Variants in RAB3B observed in about 807,000 individuals in gnomAD.
The protein encoded by RAB3B is RAB3B, member RAS oncogene family, also known as ras-related protein Rab-3B.
In RAB3B, 11 loss-of-function variants were observed where a neutral mutation model predicts 20.5. The ratio of observed to expected loss-of-function variants is 0.54; its 90% CI spans 0.34 to 0.89. RAB3B has a LOEUF of 0.89. RAB3B is among the 40% of genes least tolerant of loss of function. The pLI is 0.02. For synonymous variants in RAB3B, 99 were observed against 106.3 expected (o/e 0.93, Z 0.42); for missense variants, 225 against 280.9 (o/e 0.80, Z 1.42).
intron 2 of RAB3B, among the ~76,000 whole-genome samples, chr1:51,949,551 G>A (rs1365424721): frequency 6.6e-6 from 1 of 152,224 alleles, no homozygotes; most frequent in Non-Finnish European, 1.5e-5. Context: ...GCCATTCCGA[G>A]TGCTGACATG....
chr1:51,927,771 C>G (rs1168077293), intron 4 of RAB3B, among the ~76,000 whole-genome samples: 1 of 152,140 alleles, frequency 6.6e-6, no homozygotes, highest in African/African-American at 2.4e-5. Context: ...TCACTGCACT[C>G]CAGCCTGGAT....
chr1:51,909,751 T>C lies in RAB3B; in HGVS notation c.*10176A>G, dbSNP rs1175053452. ...CTTCTACCCTGATCCACTTAGTAAGTTCAAGCTCCATCTCCTACTTACACA... is the reference window on the plus strand; with the variant it reads ...CTTCTACCCTGATCCACTTAGTAAGCTCAAGCTCCATCTCCTACTTACACA... On this transcript the variant is annotated 3_prime_UTR_variant, in exon 5 of 5. Coordinates refer to ENST00000371655, the MANE Select transcript of RAB3B (RefSeq NM_002867.4). 6.6e-6 allele frequency: 1 copy of C among 152,338 alleles called. No homozygotes were observed. The highest frequency in any genetic ancestry group is 1.5e-5 in the Non-Finnish European group (1 of 68,156). 9.4% of individuals were successfully genotyped at this position (152,338 alleles called of 1,614,324 possible). A position where few individuals can be genotyped will look rare whatever the true frequency, so the allele number is the denominator to read the frequency against.
intron 2 of RAB3B, among the ~76,000 whole-genome samples, chr1:51,969,819 G>C (rs1429455190): frequency 6.6e-6 from 1 of 152,160 alleles, no homozygotes; most frequent in Non-Finnish European, 1.5e-5. Context: ...GTTACACTAA[G>C]AGCTTTTAAA....
intron 2 of RAB3B, among the ~76,000 whole-genome samples, chr1:51,964,264 A>AC: frequency 6.6e-6 from 1 of 152,298 alleles, no homozygotes; most frequent in East Asian, 1.9e-4. Context: ...CATATTTGAC[A>AC]CAGTTGATCT....
chr1:51,920,137 T>C, intron 4 of RAB3B, 23 bp from the exon 5 acceptor site: 1 of 1,585,832 alleles, frequency 6.3e-7, no homozygotes, highest in Non-Finnish European at 8.6e-7. Context: ...GAGATACAGA[T>C]AAGGACTTTT....
Position 51,909,438 on chromosome 1 carries a change from A to G in RAB3B, c.*10489T>C, listed in dbSNP as rs1285116229. ...TGAAAATATGTTGGTTCAAGATCAC[A>G]CAGTTAGTATGCTGCAAAGTCAGGA... On this transcript the variant is annotated 3_prime_UTR_variant, in exon 5 of 5. Transcript: ENST00000371655. 2 of 152,192 alleles carry G rather than the reference A, an allele frequency of 1.3e-5. No individual in the cohort carries two copies. Among genetic ancestry groups the G allele is most frequent in the Non-Finnish European group, 2.9e-5 (2 of 68,030 alleles). 9.4% of individuals were successfully genotyped at this position (152,192 alleles called of 1,614,324 possible).
intron 2 of RAB3B, among the ~76,000 whole-genome samples, chr1:51,972,204 A>T (rs978493377): frequency 6.6e-6 from 1 of 152,220 alleles, no homozygotes; most frequent in Non-Finnish European, 1.5e-5. Flanking sequence ...GCAATTTAAA[A>T]TTTATTAGCT....
chr1:51,967,113 A>G (rs941871999), intron 2 of RAB3B, among the ~76,000 whole-genome samples: 18 of 152,178 alleles, frequency 1.2e-4, no homozygotes, highest in African/African-American at 4.3e-4. Context: ...AGGAGTTTGA[A>G]ACCAGCCTGG....
intron 3 of RAB3B, among the ~76,000 whole-genome samples, chr1:51,934,914 T>C (rs1376402349): frequency 6.6e-6 from 1 of 151,938 alleles, no homozygotes; most frequent in Non-Finnish European, 1.5e-5. Context: ...TATGAAGACA[T>C]CTTTTTGTGG....
intron 2 of RAB3B, among the ~76,000 whole-genome samples, chr1:51,955,455 A>C (rs1468828811): frequency 1.3e-5 from 2 of 151,862 alleles, no homozygotes; most frequent in Non-Finnish European, 2.9e-5. Context: ...GCAGTGGCGC[A>C]ATCTTGGCTC....
chr1:51,980,492 A>G, intron 1 of RAB3B: 1 of 707,174 alleles, frequency 1.4e-6, no homozygotes, highest in Non-Finnish European at 2.6e-6. Context: ...AAAAGAAGGA[A>G]CAATGGTCAT....
intron 4 of RAB3B, among the ~76,000 whole-genome samples, chr1:51,920,841 T>C (rs1200805012): frequency 6.6e-6 from 1 of 152,126 alleles, no homozygotes; most frequent in African/African-American, 2.4e-5. Context: ...TTCTTTGCCC[T>C]TTCCACCCAT....
intron 1 of RAB3B, chr1:51,980,548 TG>T: frequency 2.7e-6 from 2 of 746,556 alleles, no homozygotes; most frequent in South Asian, 2.7e-5. Flanking sequence ...CTGGATGAAC[TG>T]TGCCCAATGT....
At chr1:51,952,771 C>T (rs1453369891) in intron 2 of RAB3B, among the ~76,000 whole-genome samples, 2 of 151,790 alleles carry the variant, frequency 1.3e-5, no homozygotes, top group Admixed American at 1.3e-4. Flanking sequence ...CTTTTTGTTG[C>T]CCTAAATTAA....
chr1:51,986,564 G>A (rs1685154758), intron 1 of RAB3B, among the ~76,000 whole-genome samples: 1 of 152,120 alleles, frequency 6.6e-6, no homozygotes, highest in Admixed American at 6.5e-5. Flanking sequence ...AGTGAGCTAT[G>A]ATTGCACCAC....
intron 1 of RAB3B, among the ~76,000 whole-genome samples, chr1:51,981,972 G>T (rs1380054999): frequency 2.0e-5 from 3 of 152,108 alleles, no homozygotes; most frequent in Admixed American, 6.6e-5. Context: ...ATTTTAGAGT[G>T]TACTTTTTCT....
chr1:51,949,332 C>T (rs191068020), intron 2 of RAB3B, among the ~76,000 whole-genome samples: 1 of 152,244 alleles, frequency 6.6e-6, no homozygotes, highest in South Asian at 2.1e-4. Flanking sequence ...CTAATTCCTC[C>T]CCTGCCCTTT....
At chr1:51,989,222 G>GTT (rs1303404963) in intron 1 of RAB3B, among the ~76,000 whole-genome samples, 1 of 148,064 alleles carries the variant, frequency 6.8e-6, no homozygotes. Flanking sequence ...GTGTGTGTGT[G>GTT]TGTGTGTGTG....
intron 4 of RAB3B, among the ~76,000 whole-genome samples, chr1:51,928,652 A>T (rs149914056): frequency 1.3e-4 from 20 of 152,300 alleles, no homozygotes; most frequent in Non-Finnish European, 2.6e-4. Context: ...ATATCCTTGC[A>T]AAATTCTTAA....
Sources: allele counts gnomAD v4.1 joint callset (sites outside exome capture counted in the v4.1 genomes callset), GRCh38; gene constraint gnomAD v4.1.1; transcripts MANE v1.5; gene names NCBI Gene and HGNC (gene_info 2026-07-23, HGNC 2026-07-21).